IL1RAPL1: variants seen among roughly 807,000 people sequenced by gnomAD.
The protein encoded by IL1RAPL1 is interleukin 1 receptor accessory protein like 1, also known as interleukin-1 receptor accessory protein-like 1.
Under a neutral mutation model 48.4 loss-of-function variants are expected in IL1RAPL1, and 3 were observed. The observed-to-expected ratio is 0.06, with a 90% CI of 0.03 to 0.16. The LOEUF (loss-of-function observed/expected upper bound fraction) is 0.16. Among genes scored for constraint, IL1RAPL1 ranks in the 10% least tolerant of loss-of-function variants. The pLI is 1.00. For missense variants in IL1RAPL1, 349 were observed against 530.6 expected, an observed-to-expected ratio of 0.66 and a Z score of 3.36; for synonymous variants, 185 against 187.7, an observed-to-expected ratio of 0.99 and a Z score of 0.12.
chrX:28,741,076 G>A (rs2146952723), intron 1 of IL1RAPL1, among the ~76,000 whole-genome samples: 1 of 111,791 alleles, frequency 8.9e-6, no homozygotes, highest in African/African-American at 3.2e-5. Flanking sequence ...GAGATTGCTG[G>A]GCTGAATGAT....
At chrX:29,376,612 A>T (rs1352263928) in intron 3 of IL1RAPL1, among the ~76,000 whole-genome samples, 1 of 110,811 alleles carries the variant, frequency 9.0e-6, no homozygotes, top group East Asian at 2.8e-4. Context: ...GGCTCAAACA[A>T]TCCACCCACT....
intron 1 of IL1RAPL1, among the ~76,000 whole-genome samples, chrX:28,702,164 C>G (rs1209944651): frequency 9.0e-6 from 1 of 111,199 alleles, no homozygotes; most frequent in African/African-American, 3.3e-5. Flanking sequence ...GACATTCCTT[C>G]TATGTAACTG....
At chrX:28,867,404 G>T (rs1160206415) in intron 2 of IL1RAPL1, among the ~76,000 whole-genome samples, 1 of 111,643 alleles carries the variant, frequency 9.0e-6, no homozygotes, top group Non-Finnish European at 1.9e-5. Flanking sequence ...TGAGCCAGGC[G>T]GCAGAAGTTT....
chrX:29,202,168 A>G, intron 2 of IL1RAPL1, among the ~76,000 whole-genome samples: 1 of 112,352 alleles, frequency 8.9e-6, no homozygotes, highest in Non-Finnish European at 1.9e-5. Flanking sequence ...CAAGTTTACA[A>G]GAATTGAACA....
At chrX:29,513,388 A>G (rs1935413775) in intron 5 of IL1RAPL1, among the ~76,000 whole-genome samples, 1 of 111,861 alleles carries the variant, frequency 8.9e-6, no homozygotes. Flanking sequence ...ATATTATATT[A>G]TTTTTAAGTA....
chrX:28,701,174 T>C (rs1206839424), intron 1 of IL1RAPL1, among the ~76,000 whole-genome samples: 1 of 111,695 alleles, frequency 9.0e-6, no homozygotes, highest in Admixed American at 9.5e-5. Context: ...CCACCAACAA[T>C]GTAAAAGCGT....
At chrX:28,848,444 G>GTT (rs11366471) in intron 2 of IL1RAPL1, among the ~76,000 whole-genome samples, 5,722 of 106,675 alleles carry the variant, frequency 0.054, 315 homozygotes, top group East Asian at 0.25. Flanking sequence ...TACTTGTAGG[G>GTT]TTTTTTTTTT....
intron 6 of IL1RAPL1, among the ~76,000 whole-genome samples, chrX:29,899,749 G>A (rs1932462591): frequency 9.1e-6 from 1 of 109,490 alleles, no homozygotes; most frequent in South Asian, 4.0e-4. Flanking sequence ...TCTCCATGTT[G>A]GCCAGGTTGG....
At chrX:29,281,862 A>T (rs940659860) in intron 2 of IL1RAPL1, among the ~76,000 whole-genome samples, 1 of 112,082 alleles carries the variant, frequency 8.9e-6, no homozygotes, top group Admixed American at 9.5e-5. Context: ...TAAACAAAAG[A>T]TATTTCTTTC....
intron 2 of IL1RAPL1, among the ~76,000 whole-genome samples, chrX:28,982,361 T>C (rs1261918498): frequency 2.7e-5 from 3 of 112,394 alleles, no homozygotes; most frequent in Non-Finnish European, 5.6e-5. Flanking sequence ...TTCAGTCTTA[T>C]AATTTCCTCA....
At chrX:29,455,448 A>G (rs1934728551) in intron 5 of IL1RAPL1, among the ~76,000 whole-genome samples, 2 of 111,972 alleles carry the variant, frequency 1.8e-5, no homozygotes, top group African/African-American at 3.2e-5. Flanking sequence ...CACTCCAACA[A>G]CTTTATAAAA....
Position 29,114,531 on chromosome X carries a change from CT to C in IL1RAPL1, c.83-168404del, listed in dbSNP as rs1473180984. ...AATTTTGTCTCTTCAAATATTGTCT[CT>C]TTAAATATTGGATATTTTGAAGTTC... On this transcript the variant is annotated intron_variant, in intron 2 of 10. Transcript: ENST00000378993. Among the ~76,000 whole-genome samples, 4 of 111,907 alleles carry C rather than the reference CT, an allele frequency of 3.6e-5. No individual in the cohort carries two copies. The East Asian group carries it at 8.3e-4, about 23-fold the overall frequency.
intron 1 of IL1RAPL1, among the ~76,000 whole-genome samples, chrX:28,635,455 A>G: frequency 8.9e-6 from 1 of 112,024 alleles, no homozygotes. Flanking sequence ...AAGTACCCAT[A>G]CAACCATTCT....
intron 5 of IL1RAPL1, among the ~76,000 whole-genome samples, chrX:29,403,774 G>A (rs1483768772): frequency 9.0e-6 from 1 of 111,557 alleles, no homozygotes; most frequent in Non-Finnish European, 1.9e-5. Flanking sequence ...TTAGAAAACT[G>A]GTTCTCACCA....
intron 2 of IL1RAPL1, among the ~76,000 whole-genome samples, chrX:29,178,438 GTTGT>G (rs752239289): frequency 6.3e-5 from 7 of 111,993 alleles, no homozygotes; most frequent in Non-Finnish European, 1.1e-4. Context: ...TTTGGATGGG[GTTGT>G]TTGATTTTTT....
At chrX:29,787,536 A>G (rs1333164548) in intron 6 of IL1RAPL1, among the ~76,000 whole-genome samples, 3 of 111,808 alleles carry the variant, frequency 2.7e-5, no homozygotes, top group Non-Finnish European at 3.8e-5. Context: ...TGTCCTTGTA[A>G]GTAGTCATTA....
intron 5 of IL1RAPL1, among the ~76,000 whole-genome samples, chrX:29,556,647 C>CAAAAA (rs11342018): frequency 1.8e-5 from 1 of 54,138 alleles, no homozygotes; most frequent in Non-Finnish European, 4.4e-5. Flanking sequence ...GACTCTGCCT[C>CAAAAA]AAAAAAAAAA....
intron 1 of IL1RAPL1, among the ~76,000 whole-genome samples, chrX:28,677,164 T>C (rs1193129459): frequency 8.9e-6 from 1 of 111,822 alleles, no homozygotes; most frequent in Non-Finnish European, 1.9e-5. Flanking sequence ...CATCAGTTTT[T>C]CCAAAATAGA....
At position 29,307,808 on chromosome X, in the gene IL1RAPL1, T is replaced by C. The variant is rs542773010; in HGVS notation, c.362+24591T>C. Among the ~76,000 whole-genome samples, 9 of 112,223 alleles carry C rather than the reference T, an allele frequency of 8.0e-5. No homozygotes were observed. The South Asian group carries it at 3.3e-3, about 41-fold the overall frequency. ...TAAAAGATATACCCAATTTTGGAGA[T>C]GATAAAATACAAGCAAAATGCACAT... On this transcript the variant is annotated intron_variant, in intron 3 of 10. Coordinates refer to ENST00000378993, the MANE Select transcript of IL1RAPL1 (RefSeq NM_014271.4).
Sources: gnomAD v4.1 joint callset for allele counts (sites outside exome capture counted in the v4.1 genomes callset) on GRCh38, gnomAD v4.1.1 for gene constraint, MANE v1.5 for transcripts, NCBI Gene and HGNC (gene_info 2026-07-23, HGNC 2026-07-21) for gene names.